Variants in POM121 observed in about 807,000 individuals in gnomAD.
The protein encoded by POM121 is POM121 transmembrane nucleoporin.
In POM121, 32 loss-of-function variants were observed where a neutral mutation model predicts 81.3. That is an observed-to-expected ratio of 0.39 (90% CI 0.30 to 0.53). POM121 has a LOEUF of 0.53. POM121 is among the 20% of genes least tolerant of loss of function. The pLI is 0.66. For missense variants in POM121, 1,138 were observed against 1,614.6 expected, an observed-to-expected ratio of 0.70 and a Z score of 5.06; for synonymous variants, 514 against 694.2, an observed-to-expected ratio of 0.74 and a Z score of 4.08.
rs1324044805 is a variant in POM121 at position 72,946,199 on chromosome 7, C to T, written c.3715C>T (p.Leu1239=). The T allele has an allele frequency of 6.2e-7, 1 of 1,611,700 alleles. No individual in the cohort carries two copies. Among genetic ancestry groups the T allele is most frequent in the Non-Finnish European group, 8.5e-7 (1 of 1,179,764 alleles). Residue 1239 remains leucine (L), a synonymous_variant, in exon 13 of 13, where the codon CTG becomes TTG. Transcript: ENST00000434423. ...CAAGACCCCAGGGGCTCGACAGCGA[C>T]TGCAGGCCCGAAGGCAGCACACCCG... ...GSKTPGARQR[L]QARRQHTRKK
At chr7:72,939,486 T>C in intron 7 of POM121, 77 bp downstream of exon 7, 3 of 1,567,704 alleles carry the variant, frequency 1.9e-6, no homozygotes, top group Non-Finnish European at 2.6e-6. Flanking sequence ...TTAATACCTA[T>C]TGAAAAAAGG....
downstream of POM121, chr7:72,948,662 A>G (rs782312003): frequency 1.2e-6 from 2 of 1,603,948 alleles, no homozygotes; most frequent in Non-Finnish European, 1.7e-6. Flanking sequence ...GCCCCCACTC[A>G]CTCACGTCGG....
chr7:72,897,773 C>T (rs1463075294), intron 3 of POM121, among the ~76,000 whole-genome samples: 6 of 152,160 alleles, frequency 3.9e-5, no homozygotes, highest in Non-Finnish European at 7.3e-5. Flanking sequence ...GTAATTCCAG[C>T]ACTTTGGGAG....
intron 3 of POM121, among the ~76,000 whole-genome samples, chr7:72,905,773 C>A (rs782248353): frequency 6.6e-6 from 1 of 152,164 alleles, no homozygotes; most frequent in Non-Finnish European, 1.5e-5. Flanking sequence ...GAATGTGTAC[C>A]CTGCTATTGC....
chr7:72,888,068 T>A (rs1563131627), intron 1 of POM121, among the ~76,000 whole-genome samples: 1 of 152,184 alleles, frequency 6.6e-6, no homozygotes, highest in Non-Finnish European at 1.5e-5. Flanking sequence ...CTTGCTATGT[T>A]GCCAAGGCTG....
At chr7:72,946,010 C>T in intron 12 of POM121, 127 bp from the exon 13 acceptor site, 3 of 1,452,594 alleles carry the variant, frequency 2.1e-6, no homozygotes, top group Non-Finnish European at 2.7e-6. Flanking sequence ...GTTTCTGATG[C>T]AGCGGGGAAA....
chr7:72,904,646 C>T (rs1793057371), intron 3 of POM121, among the ~76,000 whole-genome samples: 1 of 152,164 alleles, frequency 6.6e-6, no homozygotes, highest in Admixed American at 6.5e-5. Flanking sequence ...GTAAAAAAAC[C>T]CAGTTTTCCT....
intron 3 of POM121, among the ~76,000 whole-genome samples, chr7:72,898,675 G>A (rs1554492096): frequency 6.6e-6 from 1 of 151,638 alleles, no homozygotes; most frequent in African/African-American, 2.4e-5. Flanking sequence ...GTGGGCGCCT[G>A]TAATCCCAGG....
chr7:72,893,326 G>A (rs1173605018), intron 3 of POM121, among the ~76,000 whole-genome samples: 7 of 151,682 alleles, frequency 4.6e-5, no homozygotes, highest in East Asian at 4.0e-4. Context: ...GCTCATGCCT[G>A]TAATCCCAGC....
Position 72,942,862 on chromosome 7 carries a change from A to G in POM121, c.2869A>G (p.Lys957Glu), listed in dbSNP as rs1554501862. ...CAACATTCCCTTTGGCTCAAGCGCC[A>G]AGTCCCCGCTCCCATCATATCCGGG... ...TFNIPFGSSA[K>E]SPLPSYPGAN... Residue 957 changes from lysine (K) to glutamate (E), a missense_variant, in exon 11 of 13, where the codon AAG (lysine) becomes GAG (glutamate). By Grantham distance (56) the Lys-to-Glu change is moderately conservative (BLOSUM62 1). Transcript: ENST00000434423. 1.3e-6 allele frequency: 2 copies of G among 1,585,964 alleles called. No homozygotes were observed. Among genetic ancestry groups the G allele is most frequent in the African/African-American group, 2.7e-5 (2 of 73,976 alleles).
At chr7:72,883,814 T>A (rs1790403699) in intron 1 of POM121, among the ~76,000 whole-genome samples, 1 of 152,124 alleles carries the variant, frequency 6.6e-6, no homozygotes, top group South Asian at 2.1e-4. Context: ...GACTGTTGAT[T>A]ATTGCTGTGA....
At chr7:72,928,210 GA>G (rs879963005) in intron 3 of POM121, among the ~76,000 whole-genome samples, 174 bp from the exon 4 acceptor site, 52 of 145,792 alleles carry the variant, frequency 3.6e-4, no homozygotes, top group African/African-American at 5.5e-4. Context: ...AACTCTGTCT[GA>G]AAAAAAAAAA....
chr7:72,950,452 A>G (rs1554504606), downstream of POM121: 2 of 508,448 alleles, frequency 3.9e-6, no homozygotes, highest in Admixed American at 6.8e-5. Flanking sequence ...TCTCTGTAAA[A>G]TAGTAGGTGT....
At chr7:72,925,082 C>A, upstream of POM121, 1 of 1,382,350 alleles carries the variant, frequency 7.2e-7, no homozygotes, top group South Asian at 1.7e-5. Flanking sequence ...GCGCGGTGCA[C>A]GCTGGGATAT....
intron 3 of POM121, among the ~76,000 whole-genome samples, chr7:72,895,728 T>A (rs2129575171): frequency 6.6e-6 from 1 of 152,082 alleles, no homozygotes; most frequent in Non-Finnish European, 1.5e-5. Flanking sequence ...GAGACCACCC[T>A]GGCCAACCCG....
At chr7:72,896,485 CA>C (rs1375713053) in intron 3 of POM121, among the ~76,000 whole-genome samples, 1 of 132,446 alleles carries the variant, frequency 7.6e-6, no homozygotes, top group African/African-American at 3.0e-5. Context: ...GACCCTTTCT[CA>C]AAAAAAAGAA....
At position 72,926,837 on chromosome 7, in the gene POM121, C is replaced by A. The variant is rs201332972; in HGVS notation, c.896C>A (p.Pro299Gln). 9.1e-5 allele frequency: 147 copies of A among 1,613,990 alleles called. 1 individual carries two copies. The Admixed American group carries it at 2.3e-3, about 26-fold the overall frequency. Residue 299 changes from proline (P) to glutamine (Q), a missense_variant, in exon 3 of 13, where the codon CCA (proline) becomes CAA (glutamine). Pro to Gln is a moderately conservative substitution (Grantham distance 76). This residue lies in a region of POM121 where 646 missense variants were observed against 633.5 expected (regional missense o/e 1.02). Coordinates refer to ENST00000434423, the MANE Select transcript of POM121 (RefSeq NM_001387691.1). Reference protein sequence around the residue: ...EQIISSTLSSPSSNAPDPCAK... With the variant: ...EQIISSTLSSQSSNAPDPCAK... ...ATAATCAGCTCAACACTGTCCTCAC[C>A]ATCAAGTAACGCCCCAGACCCATGT... is the stretch of plus-strand genomic sequence containing the variant.
exon 1 of POM121, chr7:72,879,522 T>C (rs1789918926): frequency 8.0e-6 from 2 of 249,418 alleles, no homozygotes; most frequent in South Asian, 6.9e-5. Context: ...GCGGGCCGGG[T>C]AGAGGCTCGA....
chr7:72,948,372 C>A (rs374533198), downstream of POM121: 3 of 1,613,222 alleles, frequency 1.9e-6, no homozygotes, highest in Non-Finnish European at 2.5e-6. Context: ...GAGGAAGGGA[C>A]CCAATAACCT....
Sources: gnomAD v4.1 joint callset for allele counts (sites outside exome capture counted in the v4.1 genomes callset) on GRCh38, gnomAD v4.1.1 for gene constraint, gnomAD v4.1.1 regional missense constraint, MANE v1.5 for transcripts, NCBI Gene and HGNC (gene_info 2026-07-23, HGNC 2026-07-21) for gene names.